NKAIN3: variants seen among roughly 807,000 people sequenced by gnomAD.
NKAIN3 encodes the protein sodium/potassium transporting ATPase interacting 3.
In NKAIN3, 25 loss-of-function variants were observed where a neutral mutation model predicts 30.2. The ratio of observed to expected loss-of-function variants is 0.83; its 90% CI spans 0.60 to 1.16. The LOEUF (loss-of-function observed/expected upper bound fraction) is 1.16. Ranked by LOEUF, NKAIN3 falls within the 50% of genes most tolerant of loss-of-function variation. NKAIN3 has a pLI of 0.00. For synonymous variants in NKAIN3, 91 were observed against 89.6 expected, an observed-to-expected ratio of 1.02 and a Z score of -0.09; for missense variants, 225 against 254.1, an observed-to-expected ratio of 0.89 and a Z score of 0.78.
intron 1 of NKAIN3, among the ~76,000 whole-genome samples, chr8:62,365,932 G>A (rs7819648): frequency 0.97 from 147,606 of 152,270 alleles, 71,599 homozygotes; most frequent in East Asian, 1. Context: ...AAATTTGGAC[G>A]TATTCCCCCC....
At position 62,725,607 on chromosome 8, in the gene NKAIN3, C is replaced by T. The variant is rs118091392; in HGVS notation, c.274-21325C>T. On this transcript the variant is annotated intron_variant, in intron 3 of 6. Coordinates refer to ENST00000623646, the MANE Select transcript of NKAIN3 (RefSeq NM_001304533.3). Reference sequence around the variant, plus strand: ...TTCCCAACACAATTTGTTGAAGAGACTATTCTTTCTCCAATATATGTTCTT... The same window carrying T: ...TTCCCAACACAATTTGTTGAAGAGATTATTCTTTCTCCAATATATGTTCTT... Among the ~76,000 whole-genome samples, 296 of 152,198 alleles carry T rather than the reference C, an allele frequency of 1.9e-3. 1 individual carries two copies. The highest frequency in any genetic ancestry group is 3.4e-3 in the Middle Eastern group (1 of 294).
chr8:62,562,357 A>G (rs1303363956), intron 1 of NKAIN3, among the ~76,000 whole-genome samples: 3 of 152,188 alleles, frequency 2.0e-5, no homozygotes, highest in Admixed American at 6.5e-5. Flanking sequence ...GTTGACGAAG[A>G]CCGTTTCACC....
chr8:62,271,967 A>G (rs1812791264), intron 1 of NKAIN3, among the ~76,000 whole-genome samples: 1 of 152,170 alleles, frequency 6.6e-6, no homozygotes, highest in South Asian at 2.1e-4. Context: ...CAGTTCACAG[A>G]GATGTGGCTA....
intron 1 of NKAIN3, among the ~76,000 whole-genome samples, chr8:62,366,289 T>C (rs1362310806): frequency 3.3e-5 from 5 of 151,726 alleles, no homozygotes; most frequent in African/African-American, 1.2e-4. Context: ...TGCAGTGGTG[T>C]GATTTCGGCT....
At chr8:62,395,691 A>G (rs1817733345) in intron 1 of NKAIN3, among the ~76,000 whole-genome samples, 1 of 152,202 alleles carries the variant, frequency 6.6e-6, no homozygotes, top group African/African-American at 2.4e-5. Flanking sequence ...CCTGATATCT[A>G]TCTTCATTAG....
At chr8:62,923,671 G>A (rs533354085) in intron 5 of NKAIN3, among the ~76,000 whole-genome samples, 6 of 152,306 alleles carry the variant, frequency 3.9e-5, no homozygotes, top group African/African-American at 1.4e-4. Flanking sequence ...TTACTTGAAA[G>A]GGATGCACTC....
intron 4 of NKAIN3, among the ~76,000 whole-genome samples, chr8:62,831,154 A>C (rs1586245809): frequency 6.6e-6 from 1 of 152,324 alleles, no homozygotes; most frequent in Admixed American, 6.5e-5. Flanking sequence ...CGTAGAAGAA[A>C]AGCCAAAGAC....
At chr8:62,445,442 A>G (rs1805459536) in intron 1 of NKAIN3, among the ~76,000 whole-genome samples, 1 of 152,036 alleles carries the variant, frequency 6.6e-6, no homozygotes, top group African/African-American at 2.4e-5. Context: ...AAGGAAATTG[A>G]GCCTCAGGTT....
At chr8:62,380,317 A>G (rs1020153615) in intron 1 of NKAIN3, among the ~76,000 whole-genome samples, 2 of 152,190 alleles carry the variant, frequency 1.3e-5, no homozygotes, top group Non-Finnish European at 1.5e-5. Context: ...TTGGACCTCT[A>G]GAATCTTTTG....
At chr8:62,525,737 C>A (rs1438422691) in intron 1 of NKAIN3, among the ~76,000 whole-genome samples, 1 of 152,062 alleles carries the variant, frequency 6.6e-6, no homozygotes, top group Non-Finnish European at 1.5e-5. Flanking sequence ...TGAAAAACAA[C>A]CCCCAACTTC....
intron 3 of NKAIN3, among the ~76,000 whole-genome samples, chr8:62,741,879 A>G (rs962618751): frequency 1.4e-4 from 21 of 152,088 alleles, no homozygotes; most frequent in Non-Finnish European, 2.8e-4. Context: ...CAACCTTAAC[A>G]TGCTGTCTTG....
At chr8:62,801,147 A>T (rs1299763084) in intron 4 of NKAIN3, among the ~76,000 whole-genome samples, 1 of 152,238 alleles carries the variant, frequency 6.6e-6, no homozygotes, top group Non-Finnish European at 1.5e-5. Context: ...CCACAGCTCA[A>T]GGAGGCCTGC....
intron 4 of NKAIN3, among the ~76,000 whole-genome samples, chr8:62,759,568 C>T (rs148730846): frequency 1.1e-3 from 164 of 152,218 alleles, no homozygotes; most frequent in African/African-American, 3.7e-3. Flanking sequence ...ATCATGAGAA[C>T]ATGGTCATTA....
At chr8:62,437,650 G>A (rs1805209145) in intron 1 of NKAIN3, among the ~76,000 whole-genome samples, 2 of 152,156 alleles carry the variant, frequency 1.3e-5, no homozygotes, top group East Asian at 1.9e-4. Context: ...TTCAGGTAAT[G>A]CTTAGGACCT....
At chr8:62,318,519 T>G (rs1814743588) in intron 1 of NKAIN3, among the ~76,000 whole-genome samples, 2 of 152,230 alleles carry the variant, frequency 1.3e-5, no homozygotes, top group Admixed American at 1.3e-4. Context: ...GTTGTTGAAG[T>G]TGTCAAAGGC....
chr8:62,519,057 C>A (rs191408901), intron 1 of NKAIN3, among the ~76,000 whole-genome samples: 1 of 152,110 alleles, frequency 6.6e-6, no homozygotes, highest in African/African-American at 2.4e-5. Flanking sequence ...TCATGTAGAT[C>A]TTTGTACCAA....
intron 1 of NKAIN3, among the ~76,000 whole-genome samples, chr8:62,420,122 G>A (rs1355942651): frequency 6.6e-6 from 1 of 152,116 alleles, no homozygotes; most frequent in Non-Finnish European, 1.5e-5. Flanking sequence ...AATGAGCCAG[G>A]CCAGAGTTCT....
At chr8:62,601,430 A>T (rs1416171341) in intron 3 of NKAIN3, among the ~76,000 whole-genome samples, 1 of 152,064 alleles carries the variant, frequency 6.6e-6, no homozygotes, top group Non-Finnish European at 1.5e-5. Context: ...CCACTTCTGG[A>T]ACTACAAGAA....
chr8:62,951,874 C>T (rs1480463118), intron 5 of NKAIN3, among the ~76,000 whole-genome samples: 1 of 152,176 alleles, frequency 6.6e-6, no homozygotes, highest in Non-Finnish European at 1.5e-5. Flanking sequence ...GATCTCAGCT[C>T]ACTGCAACCT....
Sources: allele counts gnomAD v4.1 joint callset (sites outside exome capture counted in the v4.1 genomes callset), GRCh38; gene constraint gnomAD v4.1.1; transcripts MANE v1.5; gene names NCBI Gene and HGNC (gene_info 2026-07-23, HGNC 2026-07-21).